Variants in ERBB4 observed in about 807,000 individuals in gnomAD.
ERBB4 encodes erb-b2 receptor tyrosine kinase 4.
ERBB4 carries 42 observed loss-of-function variants against 158.0 expected under a neutral mutation model. That is an observed-to-expected ratio of 0.27 (90% confidence interval 0.21 to 0.34). The LOEUF is 0.34. Among genes scored for constraint, ERBB4 ranks in the 10% least tolerant of loss-of-function variants. The pLI is 1.00. For missense variants in ERBB4, 1,333 were observed against 1,624.1 expected (o/e 0.82, Z 3.08); for synonymous variants, 583 against 558.7 (o/e 1.04, Z -0.61).
intron 5 of ERBB4, among the ~76,000 whole-genome samples, chr2:211,741,033 A>G (rs2074778011): frequency 6.6e-6 from 1 of 152,236 alleles, no homozygotes; most frequent in Non-Finnish European, 1.5e-5. Context: ...TCAAACCGTT[A>G]GAGTGGTATG....
intron 3 of ERBB4, among the ~76,000 whole-genome samples, chr2:211,917,318 A>G (rs572347322): frequency 6.8e-5 from 4 of 59,004 alleles, no homozygotes; most frequent in Middle Eastern, 8.6e-3. Flanking sequence ...AGAGATATGG[A>G]AAAAAAAATG....
intron 1 of ERBB4, among the ~76,000 whole-genome samples, chr2:212,201,810 C>A (rs910263678): frequency 3.9e-5 from 6 of 152,104 alleles, no homozygotes; most frequent in African/African-American, 9.7e-5. Context: ...ACTATCAATT[C>A]TTTGAGTGTT....
At chr2:212,213,375 T>G (rs1430814616) in intron 1 of ERBB4, among the ~76,000 whole-genome samples, 1 of 151,708 alleles carries the variant, frequency 6.6e-6, no homozygotes, top group Admixed American at 6.6e-5. Flanking sequence ...AGTTTCAGTT[T>G]CTATATATGA....
At chr2:211,905,738 G>GTATATATATATATATATA (rs1469524984) in intron 3 of ERBB4, among the ~76,000 whole-genome samples, 110 of 108,204 alleles carry the variant, frequency 1.0e-3, no homozygotes, top group African/African-American at 4.0e-3. Context: ...GTGTGTGCAT[G>GTATATATATATATATATA]TGTGTGTATA....
rs36107803 is a variant in ERBB4 at position 212,386,572 on chromosome 2, TAA to T, written c.82+151875_82+151876del. Among the ~76,000 whole-genome samples, 222 of 135,898 alleles carry T rather than the reference TAA, an allele frequency of 1.6e-3. 2 individuals are homozygous for T. The highest frequency in any genetic ancestry group is 4.6e-3 in the African/African-American group (172 of 37,084). 89.2% of individuals were successfully genotyped at this position (135,898 alleles called of 152,430 possible). On this transcript the variant is annotated intron_variant, in intron 1 of 27. Transcript: ENST00000342788. The stretch of plus-strand genomic sequence containing the variant: ...CAAATATACTACTTCCTTTCTTTCT[TAA>T]AAAAAAAAAAAAAAACCCATTAACT...
intron 2 of ERBB4, among the ~76,000 whole-genome samples, chr2:212,097,676 T>C (rs1354612031): frequency 6.6e-6 from 1 of 151,992 alleles, no homozygotes; most frequent in Non-Finnish European, 1.5e-5. Context: ...TAAGGAAGGA[T>C]CAGGCAGATG....
chr2:212,021,901 G>A (rs2076660367), intron 2 of ERBB4, among the ~76,000 whole-genome samples: 1 of 152,022 alleles, frequency 6.6e-6, no homozygotes, highest in South Asian at 2.1e-4. Flanking sequence ...CATTTATGTG[G>A]CCAAGAAACA....
intron 2 of ERBB4, among the ~76,000 whole-genome samples, chr2:211,990,684 C>T (rs2082051777): frequency 6.6e-6 from 1 of 151,878 alleles, no homozygotes; most frequent in African/African-American, 2.4e-5. Flanking sequence ...CCTTGATTTG[C>T]TTCTTGGATG....
intron 19 of ERBB4, among the ~76,000 whole-genome samples, chr2:211,611,551 C>T (rs938825780): frequency 1.3e-5 from 2 of 150,606 alleles, no homozygotes; most frequent in Non-Finnish European, 2.9e-5. Flanking sequence ...ACCCGTGAGA[C>T]CACGAACCCT....
chr2:211,845,910 A>G (rs529030163), intron 3 of ERBB4, among the ~76,000 whole-genome samples: 2 of 152,280 alleles, frequency 1.3e-5, no homozygotes, highest in Admixed American at 1.3e-4. Flanking sequence ...TTAGGATTTG[A>G]GAGCATGCAA....
chr2:211,485,218 T>G (rs1265908829), intron 20 of ERBB4, among the ~76,000 whole-genome samples: 1 of 151,750 alleles, frequency 6.6e-6, no homozygotes, highest in East Asian at 1.9e-4. Context: ...AAATCTTGAT[T>G]GACTTTGTGA....
At chr2:212,472,875 A>G (rs1270345191) in intron 1 of ERBB4, among the ~76,000 whole-genome samples, 2 of 151,896 alleles carry the variant, frequency 1.3e-5, no homozygotes, top group African/African-American at 4.8e-5. Context: ...CAATAATGTT[A>G]ACGTATATTA....
At chr2:211,844,090 C>T (rs1213832134) in intron 3 of ERBB4, among the ~76,000 whole-genome samples, 2 of 152,010 alleles carry the variant, frequency 1.3e-5, no homozygotes, top group African/African-American at 4.8e-5. Flanking sequence ...TGAAAATACA[C>T]ATCCCTGGCT....
At chr2:211,448,119 C>A (rs572250470) in intron 20 of ERBB4, among the ~76,000 whole-genome samples, 37 of 151,988 alleles carry the variant, frequency 2.4e-4, no homozygotes, top group Admixed American at 2.2e-3. Flanking sequence ...ATTACACATG[C>A]GTGCCACCAC....
chr2:212,394,297 T>C (rs1012813260), intron 1 of ERBB4, among the ~76,000 whole-genome samples: 2 of 152,100 alleles, frequency 1.3e-5, no homozygotes, highest in African/African-American at 4.8e-5. Context: ...CATTTAATAT[T>C]TTAAATGTGG....
intron 20 of ERBB4, among the ~76,000 whole-genome samples, chr2:211,537,844 A>T (rs558188975): frequency 6.6e-6 from 1 of 152,094 alleles, no homozygotes; most frequent in African/African-American, 2.4e-5. Context: ...TTGTAATACA[A>T]AAGAAACTTC....
chr2:211,869,646 A>T lies in ERBB4; in HGVS notation c.421+77784T>A, dbSNP rs182441323. On this transcript the variant is annotated intron_variant, in intron 3 of 27. Transcript: ENST00000342788. ...TGTTTATTGAACTAAGTTAGGAAAA[A>T]AATAATGCAAAAATTAAATTACATT... Among the ~76,000 whole-genome samples the T allele has an allele frequency of 8.9e-4, 135 of 152,310 alleles. 1 individual carries two copies. Among genetic ancestry groups the T allele is most frequent in the African/African-American group, 3.1e-3 (129 of 41,582 alleles).
intron 1 of ERBB4, among the ~76,000 whole-genome samples, chr2:212,251,501 A>T (rs2106050437): frequency 6.6e-6 from 1 of 152,076 alleles, no homozygotes; most frequent in East Asian, 1.9e-4. Flanking sequence ...GAATAAGGAA[A>T]AAATAAAAAG....
intron 19 of ERBB4, among the ~76,000 whole-genome samples, chr2:211,582,081 T>C (rs12694243): frequency 0.89 from 135,300 of 151,978 alleles, 60,447 homozygotes; most frequent in African/African-American, 0.96. Context: ...TATCTTCTGG[T>C]GACTACAGGC....
Sources: allele counts gnomAD v4.1 joint callset (sites outside exome capture counted in the v4.1 genomes callset), GRCh38; gene constraint gnomAD v4.1.1; transcripts MANE v1.5; gene names NCBI Gene and HGNC (gene_info 2026-07-23, HGNC 2026-07-21).